MTA3: variants seen among roughly 807,000 people sequenced by gnomAD.
MTA3 encodes the protein metastasis-associated protein MTA3.
MTA3 carries 34 observed loss-of-function variants against 83.5 expected under a neutral mutation model. The observed-to-expected ratio is 0.41, with a 90% CI of 0.31 to 0.54. The LOEUF is 0.54. Ranked by LOEUF, MTA3 falls within the 20% of genes least tolerant of loss-of-function variation. The pLI is 0.33. For synonymous variants in MTA3, 303 were observed against 252.7 expected, an observed-to-expected ratio of 1.20 and a Z score of -1.89; for missense variants, 761 against 726.4, an observed-to-expected ratio of 1.05 and a Z score of -0.55.
intron 2 of MTA3, among the ~76,000 whole-genome samples, chr2:42,505,776 T>TTA (rs1674602763): frequency 1.3e-5 from 2 of 150,966 alleles, no homozygotes; most frequent in Admixed American, 1.3e-4. Flanking sequence ...GATAATTTTT[T>TTA]TTTTTTTTTT....
chr2:42,707,795 C>A (rs1666233218), intron 12 of MTA3, 108 bp from the exon 13 acceptor site: 3 of 1,215,574 alleles, frequency 2.5e-6, no homozygotes, highest in South Asian at 1.7e-5. Flanking sequence ...GGAACAATAA[C>A]ATTGTAAACT....
chr2:42,606,968 C>T (rs991631566), intron 3 of MTA3, among the ~76,000 whole-genome samples: 12 of 150,444 alleles, frequency 8.0e-5, no homozygotes, highest in African/African-American at 2.4e-4. Context: ...ATTCGGCAGA[C>T]TGAGGCAGGA....
chr2:42,517,209 G>A (rs998171832), intron 2 of MTA3, among the ~76,000 whole-genome samples: 9 of 151,974 alleles, frequency 5.9e-5, no homozygotes, highest in African/African-American at 1.7e-4. Context: ...GCAGTGAGCC[G>A]ACATCATGCC....
chr2:42,652,992 A>T (rs1260513311), intron 6 of MTA3, among the ~76,000 whole-genome samples: 1 of 152,226 alleles, frequency 6.6e-6, no homozygotes, highest in African/African-American at 2.4e-5. Flanking sequence ...GCCTTTAGGA[A>T]TCCTTAGTTC....
intron 3 of MTA3, among the ~76,000 whole-genome samples, chr2:42,608,984 G>T (rs1683844578): frequency 1.3e-5 from 2 of 151,426 alleles, no homozygotes; most frequent in Admixed American, 1.3e-4. Flanking sequence ...TTCTTTTGAG[G>T]CCCTGATAAT....
intron 3 of MTA3, among the ~76,000 whole-genome samples, chr2:42,584,561 G>A (rs62142673): frequency 1.3e-5 from 2 of 149,958 alleles, no homozygotes; most frequent in African/African-American, 4.9e-5. Flanking sequence ...TTTTTTTTGG[G>A]ATGGAGTCTA....
At chr2:42,494,478 C>CGGCTTTTCCTGCCGACTT (rs1326690188), upstream of MTA3, 2 of 152,354 alleles carry the variant, frequency 1.3e-5, no homozygotes, top group Non-Finnish European at 2.9e-5. Context: ...ATCCCAGCCA[C>CGGCTTTTCCTGCCGACTT]GGCTTTTCCT....
chr2:42,670,053 A>G (rs892822870), intron 8 of MTA3, among the ~76,000 whole-genome samples: 1 of 152,172 alleles, frequency 6.6e-6, no homozygotes, highest in African/African-American at 2.4e-5. Context: ...TGAGGTCAGG[A>G]GTTCGAGACC....
chr2:42,669,225 C>G (rs1034542709), intron 8 of MTA3, among the ~76,000 whole-genome samples: 1 of 151,632 alleles, frequency 6.6e-6, no homozygotes, highest in East Asian at 1.9e-4. Flanking sequence ...TCTGGAATTA[C>G]AAGCACCCCT....
chr2:42,732,730 A>ACATTCCCTTTTAAAACTGAAT lies in MTA3; in HGVS notation c.1759+9695_1759+9696insCATTCCCTTTTAAAACTGAAT, dbSNP rs1159914215. 5.3e-5 allele frequency among the ~76,000 whole-genome samples: 8 copies of ACATTCCCTTTTAAAACTGAAT among 152,212 alleles called. No homozygotes were observed. In the South Asian group the frequency reaches 1.7e-3, roughly 32 times the overall value. ...CTGTTTCCCTTTTAAAACTGAATGCAGTACCCAAGTGACCTCTTGAATGCT... is the reference window on the plus strand; with the variant it reads ...CTGTTTCCCTTTTAAAACTGAATGCACATTCCCTTTTAAAACTGAATGTACCCAAGTGACCTCTTGAATGCT... On this transcript the variant is annotated intron_variant, in intron 16 of 16. Coordinates refer to ENST00000405094, the MANE Select transcript of MTA3 (RefSeq NM_001330442.2).
At chr2:42,688,492 T>C (rs904402964) in intron 9 of MTA3, among the ~76,000 whole-genome samples, 2 of 152,236 alleles carry the variant, frequency 1.3e-5, no homozygotes, top group Non-Finnish European at 2.9e-5. Context: ...TCTTTTCATG[T>C]GTTTCATTGC....
At chr2:42,668,265 C>A (rs1254530172) in intron 8 of MTA3, among the ~76,000 whole-genome samples, 1 of 152,192 alleles carries the variant, frequency 6.6e-6, no homozygotes, top group Non-Finnish European at 1.5e-5. Flanking sequence ...ATTAGCTGCT[C>A]AGGTTGGCTG....
At chr2:42,593,463 C>A (rs983212065) in intron 3 of MTA3, among the ~76,000 whole-genome samples, 1 of 152,098 alleles carries the variant, frequency 6.6e-6, no homozygotes, top group African/African-American at 2.4e-5. Flanking sequence ...ATTTGATGGG[C>A]AGTACAGTAG....
intron 2 of MTA3, among the ~76,000 whole-genome samples, chr2:42,498,040 T>C (rs1359821281): frequency 3.3e-5 from 5 of 152,334 alleles, no homozygotes; most frequent in African/African-American, 1.2e-4. Context: ...CTGGATGTGT[T>C]CGAGGACTCC....
At chr2:42,640,645 G>A (rs1233194413) in intron 5 of MTA3, among the ~76,000 whole-genome samples, 1 of 152,024 alleles carries the variant, frequency 6.6e-6, no homozygotes, top group Non-Finnish European at 1.5e-5. Context: ...TCTGCTTTCT[G>A]GAATCCTAAT....
upstream of MTA3, among the ~76,000 whole-genome samples, chr2:42,564,361 C>T (rs1476861483): frequency 6.6e-6 from 1 of 152,150 alleles, no homozygotes; most frequent in African/African-American, 2.4e-5. Context: ...AAACCAAGAC[C>T]TTTAGGGATT....
At chr2:42,517,821 G>C (rs1190624638) in intron 2 of MTA3, among the ~76,000 whole-genome samples, 2 of 144,168 alleles carry the variant, frequency 1.4e-5, no homozygotes, top group South Asian at 4.5e-4. Flanking sequence ...AGAGGTTGCA[G>C]TGAGCTGAGA....
At position 42,605,220 on chromosome 2, in the gene MTA3, C is replaced by A. The variant is rs1185169079; in HGVS notation, c.191-4238C>A. 1.6e-4 allele frequency among the ~76,000 whole-genome samples: 21 copies of A among 134,000 alleles called. 1 individual carries two copies. The highest frequency in any genetic ancestry group is 5.1e-4 in the South Asian group (2 of 3,958). The allele number at this position is 134,000 out of a possible 152,430, so 87.9% of individuals were successfully genotyped here. The stretch of plus-strand genomic sequence containing the variant: ...GGCTGGCCGGGCGGGGGGGCTGACC[C>A]CCCCCACCTCCCTCCCGGACGGGGC... On this transcript the variant is annotated intron_variant, in intron 3 of 16. Transcript: ENST00000405094.
chr2:42,678,131 A>G (rs1691549333), intron 8 of MTA3, among the ~76,000 whole-genome samples: 1 of 151,910 alleles, frequency 6.6e-6, no homozygotes, highest in African/African-American at 2.4e-5. Flanking sequence ...ACCAAGATCA[A>G]TTCTTGTGTT....
Sources: gnomAD v4.1 joint callset for allele counts (sites outside exome capture counted in the v4.1 genomes callset) on GRCh38, gnomAD v4.1.1 for gene constraint, MANE v1.5 for transcripts, NCBI Gene and HGNC (gene_info 2026-07-23, HGNC 2026-07-21) for gene names.